The following MRAP2 variants were observed in gnomAD, a reference collection of about 807,000 sequenced individuals.
The protein encoded by MRAP2 is melanocortin-2 receptor accessory protein 2.
A neutral mutation model predicts 17.4 loss-of-function variants in MRAP2; 20 were observed. The observed-to-expected ratio is 1.15, with a 90% CI of 0.81 to 1.67. The LOEUF is 1.67. MRAP2 is among the 40% of genes most tolerant of loss of function. MRAP2 has a pLI of 0.00. For missense variants in MRAP2, 238 were observed against 240.0 expected (o/e 0.99, Z 0.05); for synonymous variants, 96 against 88.4 (o/e 1.09, Z -0.48).
At chr6:84,113,806 C>T in the MRAP2 span, among the ~76,000 whole-genome samples, 1 of 152,136 alleles carries the variant, frequency 6.6e-6, no homozygotes. Flanking sequence ...TCAGCATTTG[C>T]TTGTCTGTAA....
chr6:84,142,565 A>C, the MRAP2 span, among the ~76,000 whole-genome samples: 4 of 152,274 alleles, frequency 2.6e-5, no homozygotes, highest in Admixed American at 6.5e-5. Flanking sequence ...ACTAACCCAA[A>C]TGGTTTTCAA....
the MRAP2 span, among the ~76,000 whole-genome samples, chr6:84,119,651 T>A: frequency 6.6e-6 from 1 of 152,186 alleles, no homozygotes; most frequent in East Asian, 1.9e-4. Context: ...TTCCTTAAGT[T>A]TTCCACAAGT....
chr6:84,055,796 A>T (rs1267659574), intron 2 of MRAP2, among the ~76,000 whole-genome samples: 1 of 152,190 alleles, frequency 6.6e-6, no homozygotes, highest in African/African-American at 2.4e-5. Flanking sequence ...AGGATCTGGA[A>T]CTGTTATTTG....
chr6:84,083,087 C>A (rs374852134), intron 3 of MRAP2, among the ~76,000 whole-genome samples: 7 of 152,090 alleles, frequency 4.6e-5, no homozygotes, highest in African/African-American at 1.4e-4. Context: ...ACAGGACTTG[C>A]GTCAGAAATA....
chr6:84,125,170 GTGCGGAACTTCTC>G, the MRAP2 span: 1 of 1,613,578 alleles, frequency 6.2e-7, no homozygotes, highest in East Asian at 2.2e-5. Flanking sequence ...GTCTAGTTCT[GTGCGGAACTTCTC>G]CAGCTCACGA....
the MRAP2 span, among the ~76,000 whole-genome samples, chr6:84,141,706 C>A: frequency 2.0e-5 from 3 of 152,118 alleles, no homozygotes; most frequent in Non-Finnish European, 4.4e-5. Context: ...GTAAATACTG[C>A]CAACCAGGAG....
chr6:84,141,679 G>T, the MRAP2 span, among the ~76,000 whole-genome samples: 1 of 152,136 alleles, frequency 6.6e-6, no homozygotes, highest in Non-Finnish European at 1.5e-5. Context: ...CAGGGCCGGG[G>T]TGTATAGGTT....
chr6:84,138,760 A>C, the MRAP2 span, among the ~76,000 whole-genome samples: 1 of 152,218 alleles, frequency 6.6e-6, no homozygotes. Context: ...TCTTGCAAAC[A>C]GGTACATATT....
At chr6:84,130,057 G>GTTTT in the MRAP2 span, among the ~76,000 whole-genome samples, 1 of 152,168 alleles carries the variant, frequency 6.6e-6, no homozygotes, top group Non-Finnish European at 1.5e-5. Flanking sequence ...TTTGTTGAGA[G>GTTTT]TTTTTAGCAT....
chr6:84,120,606 A>G, the MRAP2 span, among the ~76,000 whole-genome samples: 1 of 152,200 alleles, frequency 6.6e-6, no homozygotes, highest in Non-Finnish European at 1.5e-5. Flanking sequence ...TATATAGCTT[A>G]TTTCAAAATA....
At chr6:84,109,679 G>A in the MRAP2 span, among the ~76,000 whole-genome samples, 2 of 151,966 alleles carry the variant, frequency 1.3e-5, no homozygotes. Flanking sequence ...GTATACACGT[G>A]CCATAATTGT....
At chr6:84,053,292 A>G (rs1405912198) in intron 1 of MRAP2, among the ~76,000 whole-genome samples, 6 of 152,194 alleles carry the variant, frequency 3.9e-5, no homozygotes, top group African/African-American at 1.2e-4. Flanking sequence ...GTTGATTTCT[A>G]CTAAAAATGA....
chr6:84,043,340 T>C lies in MRAP2; in HGVS notation c.-8+9457T>C, dbSNP rs570002505. ...ACTTTCTTGCTACTAAAATGAGAGA[T>C]TCAGATAATCCACATAATGGGATTT... On this transcript the variant is annotated intron_variant, in intron 1 of 3. Transcript: ENST00000257776. Among the ~76,000 whole-genome samples the C allele has an allele frequency of 1.2e-3, 188 of 152,208 alleles. 4 individuals carry two copies. In the South Asian group the frequency reaches 0.038, roughly 31 times the overall value.
At chr6:84,140,957 A>G in the MRAP2 span, among the ~76,000 whole-genome samples, 1 of 152,184 alleles carries the variant, frequency 6.6e-6, no homozygotes, top group Non-Finnish European at 1.5e-5. Flanking sequence ...GGATGATTCA[A>G]GCTCATCACA....
chr6:84,108,149 A>T, the MRAP2 span, among the ~76,000 whole-genome samples: 5 of 152,160 alleles, frequency 3.3e-5, no homozygotes, highest in African/African-American at 4.8e-5. Context: ...TATATTTAAT[A>T]TATGTGTGCA....
the MRAP2 span, among the ~76,000 whole-genome samples, chr6:84,112,888 GT>G: frequency 4.4e-4 from 67 of 152,158 alleles, no homozygotes; most frequent in Non-Finnish European, 3.8e-4. Context: ...CAGTTGTTCA[GT>G]TTCCATGTAG....
intron 1 of MRAP2, chr6:84,045,338 C>A: frequency 1.0e-6 from 1 of 985,376 alleles, no homozygotes; most frequent in Non-Finnish European, 1.2e-6. Flanking sequence ...CAAATCTGCA[C>A]TGAAACCCTT....
chr6:84,034,397 T>C (rs903168601), intron 1 of MRAP2, among the ~76,000 whole-genome samples: 18 of 152,256 alleles, frequency 1.2e-4, no homozygotes, highest in African/African-American at 3.9e-4. Flanking sequence ...CTCATTCATT[T>C]TGTTTGGACT....
chr6:84,061,778 A>G, intron 2 of MRAP2: 1 of 985,444 alleles, frequency 1.0e-6, no homozygotes, highest in South Asian at 4.7e-5. Flanking sequence ...GGAGAAAATG[A>G]CAATTCTAAT....
Sources: allele counts gnomAD v4.1 joint callset (sites outside exome capture counted in the v4.1 genomes callset), GRCh38; gene constraint gnomAD v4.1.1; transcripts MANE v1.5; gene names NCBI Gene and HGNC (gene_info 2026-07-23, HGNC 2026-07-21).